BTNL8: variants seen among roughly 807,000 people sequenced by gnomAD.
BTNL8 encodes the protein butyrophilin like 8.
Under a neutral mutation model 36.1 loss-of-function variants are expected in BTNL8, and 22 were observed. That is an observed-to-expected ratio of 0.61 (90% CI 0.44 to 0.87). The LOEUF (loss-of-function observed/expected upper bound fraction) is 0.87, where lower values mean the gene tolerates loss of function less well. BTNL8 is among the 40% of genes least tolerant of loss of function. The pLI, the probability that BTNL8 is intolerant of heterozygous loss-of-function variation, is 0.00. For synonymous variants in BTNL8, 203 were observed against 235.6 expected (o/e 0.86, Z 1.27); for missense variants, 526 against 616.9 (o/e 0.85, Z 1.56).
chr5:180,931,902 A>G (rs1277619311), intron 3 of BTNL8, among the ~76,000 whole-genome samples: 1 of 152,232 alleles, frequency 6.6e-6, no homozygotes, highest in Non-Finnish European at 1.5e-5. Context: ...CAGTGTGGCG[A>G]TTCCTCAAGG....
chr5:180,950,604 G>GA lies in BTNL8; in HGVS notation c.*60_*61insA. On this transcript the variant is annotated 3_prime_UTR_variant, in exon 8 of 8. Transcript: ENST00000340184. ...TTAAGGTCTCTCTCCCAGATCCAAA[G>GA]TCCCGCAGCAGCCGGCCAAGGTGGC... 18 of 1,422,086 alleles carry GA rather than the reference G, an allele frequency of 1.3e-5. 4 individuals are homozygous for GA. Among genetic ancestry groups the GA allele is most frequent in the Non-Finnish European group, 1.7e-5 (18 of 1,037,370 alleles). 88.1% of individuals were successfully genotyped at this position (1,422,086 alleles called of 1,614,324 possible).
rs193027928 is a variant in BTNL8, at chr5:180,923,163, T to C, written c.673+11549T>C. On this transcript the variant is annotated intron_variant, in intron 3 of 7. Transcript: ENST00000340184. ...CAGCTTGCCACTCTGTGCCTTTTAA[T>C]TGGAGGATTTAGCCAATAAGGCAGT... Among the ~76,000 whole-genome samples the C allele has an allele frequency of 2.6e-5, 4 of 152,250 alleles. No homozygotes were observed. In the East Asian group the frequency reaches 7.7e-4, roughly 29 times the overall value.
At chr5:180,906,307 G>T (rs10479592) in intron 1 of BTNL8, among the ~76,000 whole-genome samples, 2,790 of 136,472 alleles carry the variant, frequency 0.02, 98 homozygotes, top group African/African-American at 0.068. Context: ...GATCTTTGTT[G>T]GTTTAAAGTC....
chr5:180,919,826 C>T (rs1757788418), intron 3 of BTNL8, among the ~76,000 whole-genome samples: 1 of 152,042 alleles, frequency 6.6e-6, no homozygotes, highest in Non-Finnish European at 1.5e-5. Context: ...GTAAATTTAG[C>T]CAATGAGGTC....
At position 180,908,622 on chromosome 5, in the gene BTNL8, A is replaced by G. The variant is rs750213654; in HGVS notation, c.86A>G (p.Gln29Arg). 2.5e-6 allele frequency: 4 copies of G among 1,614,216 alleles called. No individual in the cohort carries two copies. Among genetic ancestry groups the G allele is most frequent in the Non-Finnish European group, 3.4e-6 (4 of 1,180,036 alleles). ...WQVFGPDKPVQALVGEDAAFS... is the reference protein window; with the variant it reads ...WQVFGPDKPVRALVGEDAAFS... ...GTGTTTGGGCCAGACAAGCCTGTCC[A>G]GGCCTTGGTGGGGGAGGACGCAGCA... Residue 29 changes from glutamine to arginine, a missense_variant, in exon 2 of 8, where the codon CAG (glutamine) becomes CGG (arginine). Gln to Arg is a conservative substitution (Grantham distance 43). Transcript: ENST00000340184.
chr5:180,907,886 C>T (rs1561927746), intron 1 of BTNL8, among the ~76,000 whole-genome samples: 1 of 151,508 alleles, frequency 6.6e-6, no homozygotes, highest in Non-Finnish European at 1.5e-5. Context: ...TCTCAGATCT[C>T]CAGCTGCGTG....
chr5:180,936,976 G>T (rs754925358), intron 3 of BTNL8, among the ~76,000 whole-genome samples: 1 of 152,182 alleles, frequency 6.6e-6, no homozygotes, highest in Non-Finnish European at 1.5e-5. Context: ...CACACTGCCT[G>T]CATCCCCCAG....
chr5:180,923,422 T>C (rs1185032831), intron 3 of BTNL8, among the ~76,000 whole-genome samples: 1 of 152,138 alleles, frequency 6.6e-6, no homozygotes. Context: ...ATAAAACATA[T>C]ATAAGTTTCA....
intron 3 of BTNL8, among the ~76,000 whole-genome samples, chr5:180,918,789 T>A (rs1204033634): frequency 6.6e-6 from 1 of 152,186 alleles, no homozygotes. Context: ...AATAGGTAGA[T>A]TAGAAGATTT....
chr5:180,947,223 C>T (rs1759301004), intron 3 of BTNL8, among the ~76,000 whole-genome samples: 1 of 152,176 alleles, frequency 6.6e-6, no homozygotes, highest in Non-Finnish European at 1.5e-5. Context: ...AGAAACAAAT[C>T]CAAACCTAAA....
In BTNL8 at chr5:180,933,344, C is replaced by G. The variant is rs529840940; in HGVS notation, c.674-14168C>G. ...ATATACAGAATATTCTATCCAACAC[C>G]AGTAGAGCACACATTCTTCTCAAGT... is the stretch of plus-strand genomic sequence containing the variant. On this transcript the variant is annotated intron_variant, in intron 3 of 7. Coordinates refer to ENST00000340184, the MANE Select transcript of BTNL8 (RefSeq NM_001040462.3). Among the ~76,000 whole-genome samples the G allele has an allele frequency of 7.9e-5, 12 of 152,216 alleles. No individual in the cohort carries two copies. The South Asian group carries it at 2.3e-3, about 29-fold the overall frequency.
At chr5:180,927,664 C>T (rs978849670) in intron 3 of BTNL8, among the ~76,000 whole-genome samples, 43 of 152,218 alleles carry the variant, frequency 2.8e-4, no homozygotes, top group African/African-American at 9.4e-4. Context: ...AAAAACACAG[C>T]ATGAGAACTT....
intron 1 of BTNL8, among the ~76,000 whole-genome samples, chr5:180,906,083 C>A (rs1055231910): frequency 7.0e-6 from 1 of 142,374 alleles, no homozygotes; most frequent in African/African-American, 2.9e-5. Context: ...TCCTTTTTGA[C>A]TTTCTGTCTC....
chr5:180,924,943 G>T (rs961893304), intron 3 of BTNL8, among the ~76,000 whole-genome samples: 2 of 151,946 alleles, frequency 1.3e-5, no homozygotes, highest in African/African-American at 4.8e-5. Flanking sequence ...AAAAAGAAAA[G>T]CTTGACAAAG....
intron 3 of BTNL8, among the ~76,000 whole-genome samples, chr5:180,939,881 A>G (rs1056133979): frequency 5.3e-5 from 8 of 152,278 alleles, no homozygotes; most frequent in Admixed American, 5.2e-4. Context: ...AATAAAAACT[A>G]TATCAAATAT....
Position 180,908,881 on chromosome 5 carries a change from G to GATTA in BTNL8, c.346_349dup (p.Ser117AsnfsTer2). On this transcript the variant is annotated frameshift_variant, in exon 2 of 8. Coordinates refer to ENST00000340184, the MANE Select transcript of BTNL8 (RefSeq NM_001040462.3). LOFTEE classifies it high-confidence loss of function. The stretch of plus-strand genomic sequence containing the variant: ...TGGATGCTGGCCTCTATGGGTGCAG[G>GATTA]ATTAGTTCCCAGTCTTACTACCAGA... 2 of 1,614,146 alleles carry GATTA rather than the reference G, an allele frequency of 1.2e-6. No individual in the cohort carries two copies. The highest frequency in any genetic ancestry group is 4.5e-5 in the East Asian group (2 of 44,890).
intron 3 of BTNL8, among the ~76,000 whole-genome samples, chr5:180,923,353 T>C (rs551106046): frequency 1.3e-5 from 2 of 152,290 alleles, no homozygotes; most frequent in African/African-American, 4.8e-5. Context: ...TGTATATTTA[T>C]GTAAGTATTA....
rs1433721369 is a variant in BTNL8, at chr5:180,911,576, A to T, written c.635A>T (p.His212Leu). Residue 212 changes from histidine (H) to leucine (L), a missense_variant, in exon 3 of 8, where the codon CAT (histidine) becomes CTT (leucine). His to Leu is a moderately conservative substitution (Grantham distance 99). Coordinates refer to ENST00000340184, the MANE Select transcript of BTNL8 (RefSeq NM_001040462.3). ...ATATCCTGTTCCATGCGGCATGCTC[A>T]TCTGAGCCGAGAGGTGGAATCCAGG... ...GSISCSMRHAHLSREVESRVQ... is the reference protein window; with the variant it reads ...GSISCSMRHALLSREVESRVQ... 6.2e-7 allele frequency: 1 copy of T among 1,613,972 alleles called. No individual in the cohort carries two copies. Among genetic ancestry groups the T allele is most frequent in the Non-Finnish European group, 8.5e-7 (1 of 1,179,912 alleles).
In BTNL8 at chr5:180,899,271, T is replaced by C; in HGVS notation, c.-40T>C. ...AATCCATCCGTCACCTCTCCTGTCA[T>C]CCGTTTCCATGCCGTGAGGTCCATT... On this transcript the variant is annotated 5_prime_UTR_variant, in exon 1 of 8. Coordinates refer to ENST00000340184, the MANE Select transcript of BTNL8 (RefSeq NM_001040462.3). 1 of 1,609,796 alleles carries C rather than the reference T, an allele frequency of 6.2e-7. No homozygotes were observed. Among genetic ancestry groups the C allele is most frequent in the Non-Finnish European group, 8.5e-7 (1 of 1,176,024 alleles).
Sources: gnomAD v4.1 joint callset for allele counts (sites outside exome capture counted in the v4.1 genomes callset) on GRCh38, gnomAD v4.1.1 for gene constraint, MANE v1.5 for transcripts, NCBI Gene and HGNC (gene_info 2026-07-23, HGNC 2026-07-21) for gene names.